Variants in ATP9A observed in about 807,000 individuals in gnomAD.
ATP9A encodes probable phospholipid-transporting ATPase IIA.
Under a neutral mutation model 144.1 loss-of-function variants are expected in ATP9A, and 52 were observed. The observed-to-expected ratio is 0.36, with a 90% CI of 0.29 to 0.45. The LOEUF (loss-of-function observed/expected upper bound fraction) is 0.45. Among genes scored for constraint, ATP9A ranks in the 20% least tolerant of loss-of-function variants. The probability of loss-of-function intolerance (pLI) is 1.00; values close to 1 mark genes in which losing one functional copy is unlikely to be tolerated. For missense variants in ATP9A, 947 were observed against 1,392.7 expected, an observed-to-expected ratio of 0.68 and a Z score of 5.09; for synonymous variants, 582 against 557.4, an observed-to-expected ratio of 1.04 and a Z score of -0.62.
At chr20:51,675,023 G>C (rs2077471364) in intron 10 of ATP9A, among the ~76,000 whole-genome samples, 1 of 152,090 alleles carries the variant, frequency 6.6e-6, no homozygotes, top group Non-Finnish European at 1.5e-5. Flanking sequence ...TGTTGGCCAG[G>C]CTGGTCTCAA....
intron 14 of ATP9A, among the ~76,000 whole-genome samples, chr20:51,640,812 C>T (rs1177996412): frequency 1.3e-5 from 2 of 152,206 alleles, no homozygotes; most frequent in Non-Finnish European, 2.9e-5. Context: ...GCTGCTGCCA[C>T]TATACACACA....
chr20:51,677,584 TC>T (rs1215500386), intron 9 of ATP9A, among the ~76,000 whole-genome samples: 1 of 152,140 alleles, frequency 6.6e-6, no homozygotes, highest in African/African-American at 2.4e-5. Flanking sequence ...CCTAGAACAT[TC>T]CTACCTTCAT....
At chr20:51,765,748 G>C (rs2077901210) in intron 1 of ATP9A, among the ~76,000 whole-genome samples, 1 of 151,908 alleles carries the variant, frequency 6.6e-6, no homozygotes, top group Non-Finnish European at 1.5e-5. Context: ...CTGAGGTCAG[G>C]AGTTCAAGAC....
chr20:51,678,845 C>T (rs932177083), intron 9 of ATP9A, among the ~76,000 whole-genome samples: 1 of 152,178 alleles, frequency 6.6e-6, no homozygotes, highest in Non-Finnish European at 1.5e-5. Flanking sequence ...CCTTTCCCAT[C>T]CCATGCCTTC....
chr20:51,640,185 A>T (rs1484875664), intron 14 of ATP9A, among the ~76,000 whole-genome samples: 2 of 152,216 alleles, frequency 1.3e-5, no homozygotes, highest in Non-Finnish European at 2.9e-5. Context: ...AATAAAAAAA[A>T]GAAGGAAGAG....
chr20:51,709,599 G>A (rs930620359), intron 4 of ATP9A, among the ~76,000 whole-genome samples: 10 of 152,158 alleles, frequency 6.6e-5, no homozygotes, highest in Non-Finnish European at 1.0e-4. Context: ...GTGGTGGTGT[G>A]CACCTGTAGT....
At chr20:51,685,036 A>C (rs112817982) in intron 9 of ATP9A, among the ~76,000 whole-genome samples, 1 of 150,278 alleles carries the variant, frequency 6.7e-6, no homozygotes, top group African/African-American at 2.4e-5. Context: ...AAAAAAAAAA[A>C]AAAATACAAA....
In ATP9A at chr20:51,652,936, A is replaced by G. The variant is rs373097865; in HGVS notation, c.1506+4002T>C. 2.9e-4 allele frequency among the ~76,000 whole-genome samples: 44 copies of G among 152,046 alleles called. No homozygotes were observed. In the East Asian group the frequency reaches 3.1e-3, roughly 11 times the overall value. On this transcript the variant is annotated intron_variant, in intron 14 of 27. Transcript: ENST00000338821. Reference sequence around the variant, plus strand: ...AACCTGGCTAACACGGTGAAACCCCATCTCTACTAAAAATACAAAAAAAAA... The same window carrying G: ...AACCTGGCTAACACGGTGAAACCCCGTCTCTACTAAAAATACAAAAAAAAA...
At chr20:51,651,283 ATATAT>A (rs1013437119) in intron 14 of ATP9A, among the ~76,000 whole-genome samples, 4 of 133,360 alleles carry the variant, frequency 3.0e-5, no homozygotes, top group African/African-American at 1.2e-4. Context: ...TATTTACATA[ATATAT>A]TATATAATAT....
At chr20:51,613,464 G>A (rs2077191910) in intron 23 of ATP9A, among the ~76,000 whole-genome samples, 2 of 152,354 alleles carry the variant, frequency 1.3e-5, no homozygotes, top group Middle Eastern at 6.8e-3. Flanking sequence ...AAGAAGTTCA[G>A]GGACTGGCTC....
intron 14 of ATP9A, 67 bp downstream of exon 14, chr20:51,656,870 CG>C (rs2077388818): frequency 1.4e-6 from 2 of 1,441,700 alleles, no homozygotes; most frequent in Admixed American, 3.9e-5. Context: ...CCTTAGAAAA[CG>C]CCTAATTCCA....
intron 15 of ATP9A, 129 bp downstream of exon 15, chr20:51,639,214 A>T: frequency 9.7e-7 from 1 of 1,031,392 alleles, no homozygotes; most frequent in Non-Finnish European, 1.4e-6. Context: ...TTAGGGAATT[A>T]TATTCCCTTG....
At chr20:51,603,587 G>A (rs1321417564) in intron 27 of ATP9A, among the ~76,000 whole-genome samples, 1 of 152,050 alleles carries the variant, frequency 6.6e-6, no homozygotes, top group Non-Finnish European at 1.5e-5. Flanking sequence ...AACTGATATG[G>A]CAAAGCAAGT....
intron 3 of ATP9A, 145 bp downstream of exon 3, chr20:51,725,674 T>C: frequency 1.7e-6 from 1 of 604,756 alleles, no homozygotes. Flanking sequence ...CGTTAAAGTC[T>C]CAGAGACTCC....
At chr20:51,650,096 G>A (rs1469695986) in intron 14 of ATP9A, among the ~76,000 whole-genome samples, 3 of 152,054 alleles carry the variant, frequency 2.0e-5, no homozygotes, top group Non-Finnish European at 2.9e-5. Context: ...AGGAACCCAC[G>A]GCAGATGTTT....
chr20:51,749,134 G>A (rs917669420), intron 1 of ATP9A, among the ~76,000 whole-genome samples: 5 of 152,160 alleles, frequency 3.3e-5, no homozygotes, highest in Admixed American at 1.3e-4. Context: ...GCTGAGGCAG[G>A]AGAATCACTT....
chr20:51,643,713 T>TTA (rs2077330001), intron 14 of ATP9A, among the ~76,000 whole-genome samples: 1 of 152,180 alleles, frequency 6.6e-6, no homozygotes, highest in Non-Finnish European at 1.5e-5. Context: ...TGGTATTTTG[T>TTA]TATAGCAGGC....
At chr20:51,741,937 C>T (rs1003610675) in intron 1 of ATP9A, among the ~76,000 whole-genome samples, 26 of 152,320 alleles carry the variant, frequency 1.7e-4, no homozygotes, top group African/African-American at 2.4e-4. Context: ...CAGCCCAAAA[C>T]GCCACTTGTG....
At chr20:51,651,044 T>C (rs2077362212) in intron 14 of ATP9A, among the ~76,000 whole-genome samples, 1 of 150,244 alleles carries the variant, frequency 6.7e-6, no homozygotes, top group African/African-American at 2.4e-5. Context: ...AGTGGTGCAA[T>C]CTCGGAAAGC....
Sources: allele counts gnomAD v4.1 joint callset (sites outside exome capture counted in the v4.1 genomes callset), GRCh38; gene constraint gnomAD v4.1.1; transcripts MANE v1.5; gene names NCBI Gene and HGNC (gene_info 2026-07-23, HGNC 2026-07-21).